The following MIDEAS variants were observed in gnomAD, a reference collection of about 807,000 sequenced individuals.
MIDEAS encodes mitotic deacetylase-associated SANT domain protein.
A neutral mutation model predicts 102.7 loss-of-function variants in MIDEAS; 26 were observed. That is an observed-to-expected ratio of 0.25 (90% CI 0.19 to 0.35). The LOEUF (loss-of-function observed/expected upper bound fraction) is 0.35, where lower values mean the gene tolerates loss of function less well. Ranked by LOEUF, MIDEAS falls within the 10% of genes least tolerant of loss-of-function variation. MIDEAS has a pLI of 1.00. For synonymous variants in MIDEAS, 585 were observed against 591.0 expected, an observed-to-expected ratio of 0.99 and a Z score of 0.15; for missense variants, 1,231 against 1,435.6, an observed-to-expected ratio of 0.86 and a Z score of 2.30.
chr14:73,756,318 G>T (rs74062529), intron 1 of MIDEAS, among the ~76,000 whole-genome samples: 1 of 151,810 alleles, frequency 6.6e-6, no homozygotes, highest in Non-Finnish European at 1.5e-5. Context: ...GCGCGCTGAG[G>T]TGGAGGGAGG....
chr14:73,773,201 T>C lies in MIDEAS; in HGVS notation c.-248+13901A>G, dbSNP rs2053657825. Among the ~76,000 whole-genome samples the C allele has an allele frequency of 2.0e-5, 3 of 151,862 alleles. No homozygotes were observed. In the South Asian group the frequency reaches 6.3e-4, roughly 32 times the overall value. On this transcript the variant is annotated intron_variant, in intron 1 of 11. Coordinates refer to the MIDEAS transcript ENST00000394071. ...TACCCGGATTATCTATTTTCCAAAG[T>C]AGTTTTCCTAGCAACACCTGTCAAT...
chr14:73,744,796 C>T (rs1014849362), intron 1 of MIDEAS, among the ~76,000 whole-genome samples: 7 of 152,290 alleles, frequency 4.6e-5, no homozygotes, highest in Admixed American at 3.9e-4. Context: ...GACACCTTCT[C>T]ACTCTTTTCA....
intron 1 of MIDEAS, among the ~76,000 whole-genome samples, chr14:73,746,037 G>C (rs187154488): frequency 5.3e-5 from 8 of 152,350 alleles, no homozygotes; most frequent in Admixed American, 5.2e-4. Flanking sequence ...AGCTTGGCCA[G>C]GGTTCAAGCT....
intron 1 of MIDEAS, among the ~76,000 whole-genome samples, chr14:73,744,911 C>T (rs552867218): frequency 6.6e-6 from 1 of 152,310 alleles, no homozygotes; most frequent in African/African-American, 2.4e-5. Context: ...CTATAACACA[C>T]TGTATATGGC....
upstream of MIDEAS, among the ~76,000 whole-genome samples, chr14:73,761,267 G>A (rs1700142085): frequency 6.6e-6 from 1 of 152,220 alleles, no homozygotes; most frequent in Non-Finnish European, 1.5e-5. Flanking sequence ...GAGAAGAGGA[G>A]GGAGGGGCAG....
chr14:73,780,938 TTTTTTG>T (rs2053750285), intron 1 of MIDEAS, among the ~76,000 whole-genome samples: 4 of 151,990 alleles, frequency 2.6e-5, no homozygotes, highest in Non-Finnish European at 5.9e-5. Context: ...TTTTTTTTGT[TTTTTTG>T]TTGTTGTTGT....
intron 1 of MIDEAS, among the ~76,000 whole-genome samples, chr14:73,756,056 T>C (rs2053475166): frequency 6.6e-6 from 1 of 152,172 alleles, no homozygotes; most frequent in Non-Finnish European, 1.5e-5. Context: ...TGCTGGGGTA[T>C]GAACTCAGGT....
rs746531465 is a variant in MIDEAS, at chr14:73,719,512, T to C, written c.2938-11A>G. ...GAGGATGTCACTGGCCTGAAGAAAA[T>C]CAAACAAGGAGAGTTGAGTGATCTG... On this transcript the variant is annotated splice_polypyrimidine_tract_variant and intron_variant, in intron 11 of 12. Coordinates refer to ENST00000423556, the MANE Select transcript of MIDEAS (RefSeq NM_001367710.1). The C allele has an allele frequency of 1.2e-6, 2 of 1,611,518 alleles. No homozygotes were observed. The highest frequency in any genetic ancestry group is 3.3e-5 in the Admixed American group (2 of 59,816).
intron 12 of MIDEAS, 97 bp from the exon 13 acceptor site, chr14:73,719,105 C>G (rs1246147725): frequency 6.9e-7 from 1 of 1,456,206 alleles, no homozygotes; most frequent in Non-Finnish European, 9.0e-7. Flanking sequence ...TTCACCCCCA[C>G]GCTGCACAGC....
Position 73,772,322 on chromosome 14 carries a change from A to AAC in MIDEAS, c.-248+14778_-248+14779dup, listed in dbSNP as rs371383040. 8.5e-5 allele frequency among the ~76,000 whole-genome samples: 13 copies of AAC among 152,374 alleles called. No individual in the cohort carries two copies. The East Asian group carries it at 1.2e-3, about 14-fold the overall frequency. ...TATATAAATTATTAAAGCAATTTCAAACACACACACATGCTCTACCCATAA... is the reference window on the plus strand; with the variant it reads ...TATATAAATTATTAAAGCAATTTCAAACACACACACACATGCTCTACCCATAA... On this transcript the variant is annotated intron_variant, in intron 1 of 11. Coordinates refer to the MIDEAS transcript ENST00000394071.
At chr14:73,733,847 A>G (rs2053169113) in intron 3 of MIDEAS, among the ~76,000 whole-genome samples, 1 of 151,876 alleles carries the variant, frequency 6.6e-6, no homozygotes, top group Non-Finnish European at 1.5e-5. Context: ...GGCACACACC[A>G]TCATGCCCGG....
chr14:73,744,635 G>A (rs1802476486), intron 1 of MIDEAS, among the ~76,000 whole-genome samples: 1 of 152,114 alleles, frequency 6.6e-6, no homozygotes, highest in Non-Finnish European at 1.5e-5. Flanking sequence ...AGCTGTCTTA[G>A]GACAAAGTCT....
chr14:73,734,837 C>T (rs78807430), intron 3 of MIDEAS, among the ~76,000 whole-genome samples: 3,163 of 152,116 alleles, frequency 0.021, 38 homozygotes, highest in East Asian at 0.043. Flanking sequence ...TGAAGAAATA[C>T]GGGTAAGAAG....
Position 73,739,301 on chromosome 14 carries a change from G to C in MIDEAS, c.708C>G (p.Pro236=), listed in dbSNP as rs1242013340. 1.9e-6 allele frequency: 3 copies of C among 1,611,386 alleles called. No individual in the cohort carries two copies. Among genetic ancestry groups the C allele is most frequent in the Non-Finnish European group, 2.5e-6 (3 of 1,179,604 alleles). The change falls in exon 2 of 13, where the codon CCC becomes CCG. Residue 236 remains proline, a synonymous_variant. Coordinates refer to ENST00000423556, the MANE Select transcript of MIDEAS (RefSeq NM_001367710.1). The part of the protein sequence containing the change: ...NRQVFRQGPP[P]PNPVAAFPPQ... Reference sequence around the variant, plus strand: ...GAGGGAAGGCAGCCACCGGGTTTGGGGGCGGTGGGCCCTGCCGGAAGACCT... The same window carrying C: ...GAGGGAAGGCAGCCACCGGGTTTGGCGGCGGTGGGCCCTGCCGGAAGACCT...
At chr14:73,777,092 T>G (rs998584254) in intron 1 of MIDEAS, among the ~76,000 whole-genome samples, 7 of 151,534 alleles carry the variant, frequency 4.6e-5, no homozygotes, top group African/African-American at 9.7e-5. Flanking sequence ...AATAAATAAA[T>G]AAAAGTTCAG....
chr14:73,717,921 G>A lies in MIDEAS; in HGVS notation c.*922C>T, dbSNP rs1251004421. ...GTGTAGCTGCTGAGGTCAGAGCAGA[G>A]GCAAGGAGGCTGGCCCCAGGAGGGG... On this transcript the variant is annotated 3_prime_UTR_variant, in exon 13 of 13. Coordinates refer to ENST00000423556, the MANE Select transcript of MIDEAS (RefSeq NM_001367710.1). The A allele has an allele frequency of 1.8e-4, 4 of 22,454 alleles. No homozygotes were observed. Among genetic ancestry groups the A allele is most frequent in the South Asian group, 2.3e-3 (1 of 444 alleles). The allele number at this position is 22,454 out of a possible 1,614,324, so 1.4% of individuals were successfully genotyped here.
In MIDEAS at chr14:73,759,689, G is replaced by C. The variant is rs1201403333; in HGVS notation, c.-248+74C>G. On this transcript the variant is annotated intron_variant, in intron 1 of 12. Transcript: ENST00000423556. The surrounding 1 kb of genome is among the most constrained non-coding windows in gnomAD (Gnocchi z 6.7). ...CCCGCCGTGCGAGCAGCCACAGCTC[G>C]CGCGCCGCCTGGGGTCCCCTCGCCG... 6.6e-6 allele frequency: 1 copy of C among 151,008 alleles called. No homozygotes were observed. The highest frequency in any genetic ancestry group is 2.4e-5 in the African/African-American group (1 of 41,262). 9.4% of individuals were successfully genotyped at this position (151,008 alleles called of 1,614,324 possible). A position where few individuals can be genotyped will look rare whatever the true frequency, so the allele number is the denominator to read the frequency against.
rs117016658 is a variant in MIDEAS, at chr14:73,718,384, G to A, written c.*459C>T. On this transcript the variant is annotated 3_prime_UTR_variant, in exon 13 of 13. Transcript: ENST00000423556. ...GTTTCTTTTTCTGGGGCTTGGGGCA[G>A]GGCCGTTGCAGCCTTCGAGGTCCTC... The A allele has an allele frequency of 3.7e-3, 576 of 153,640 alleles. No individual in the cohort carries two copies. Among genetic ancestry groups the A allele is most frequent in the Non-Finnish European group, 6.5e-3 (452 of 69,026 alleles). 9.5% of individuals were successfully genotyped at this position (153,640 alleles called of 1,614,324 possible). A position where few individuals can be genotyped will look rare whatever the true frequency, so the allele number is the denominator to read the frequency against.
chr14:73,732,230 T>C (rs1291827088), intron 3 of MIDEAS, among the ~76,000 whole-genome samples: 2 of 152,194 alleles, frequency 1.3e-5, no homozygotes, highest in Non-Finnish European at 1.5e-5. Context: ...ATTAGAGGCA[T>C]GCAGGCCAAC....
Sources: gnomAD v4.1 joint callset for allele counts (sites outside exome capture counted in the v4.1 genomes callset) on GRCh38, gnomAD v4.1.1 for gene constraint, Gnocchi (gnomAD v3.1) non-coding constraint, MANE v1.5 for transcripts, NCBI Gene and HGNC (gene_info 2026-07-23, HGNC 2026-07-21) for gene names.